The following RANBP2 variants were observed in gnomAD, a reference collection of about 807,000 sequenced individuals.
The protein encoded by RANBP2 is E3 SUMO-protein ligase RanBP2.
Under a neutral mutation model 303.6 loss-of-function variants are expected in RANBP2, and 57 were observed. That is an observed-to-expected ratio of 0.19 (90% CI 0.15 to 0.23). The LOEUF is 0.23. Among genes scored for constraint, RANBP2 ranks in the 10% least tolerant of loss-of-function variants. RANBP2 has a pLI of 1.00. For missense variants in RANBP2, 3,138 were observed against 3,780.8 expected, an observed-to-expected ratio of 0.83 and a Z score of 4.46; for synonymous variants, 1,167 against 1,301.5, an observed-to-expected ratio of 0.90 and a Z score of 2.23.
the RANBP2 span, among the ~76,000 whole-genome samples, chr2:109,576,039 T>C: frequency 1.2e-4 from 18 of 152,146 alleles, no homozygotes; most frequent in East Asian, 3.5e-3. Flanking sequence ...GGAGGATCAC[T>C]TGAGGCCAGG....
chr2:109,690,288 A>AGCGGGACAACTCGAAGCAAAG, the RANBP2 span, among the ~76,000 whole-genome samples: 25 of 152,200 alleles, frequency 1.6e-4, no homozygotes, highest in Admixed American at 2.6e-4. Context: ...GGTCTGGAAA[A>AGCGGGACAACTCGAAGCAAAG]GCGGGACAAC....
chr2:109,641,037 A>C, the RANBP2 span, among the ~76,000 whole-genome samples: 2 of 152,244 alleles, frequency 1.3e-5, no homozygotes, highest in African/African-American at 4.8e-5. Context: ...ACATAACTAC[A>C]AATAATGGCC....
At chr2:108,856,794 C>T in the RANBP2 span, 2 of 1,612,180 alleles carry the variant, frequency 1.2e-6, no homozygotes, top group East Asian at 4.5e-5. Flanking sequence ...TATTTTCCAG[C>T]TGATTACCTG....
chr2:109,272,981 A>G, the RANBP2 span, among the ~76,000 whole-genome samples: 1 of 152,254 alleles, frequency 6.6e-6, no homozygotes, highest in Non-Finnish European at 1.5e-5. Context: ...AGCTACTGGA[A>G]GAAATTAAAA....
At chr2:108,748,540 T>G (rs1355012119) in intron 8 of RANBP2, among the ~76,000 whole-genome samples, 1 of 152,048 alleles carries the variant, frequency 6.6e-6, no homozygotes, top group Non-Finnish European at 1.5e-5. Flanking sequence ...TCTTAAAAGC[T>G]GTTTAAAGGA....
At chr2:109,184,917 T>G in the RANBP2 span, among the ~76,000 whole-genome samples, 2 of 152,210 alleles carry the variant, frequency 1.3e-5, no homozygotes, top group Admixed American at 6.5e-5. Flanking sequence ...ACCAAGAATG[T>G]AAGAAAATAT....
Position 108,767,494 on chromosome 2 carries a change from C to A in RANBP2, c.6955C>A (p.Leu2319Ile), listed in dbSNP as rs759284450. 6.2e-7 allele frequency: 1 copy of A among 1,611,778 alleles called. No individual in the cohort carries two copies. Among genetic ancestry groups the A allele is most frequent in the Non-Finnish European group, 8.5e-7 (1 of 1,179,830 alleles). Reference sequence around the variant, plus strand: ...TGAACCTGTTGTTCCTTTACCTGATCTAGTTGAAGTATCCAGTGGTGAGGA... The same window carrying A: ...TGAACCTGTTGTTCCTTTACCTGATATAGTTGAAGTATCCAGTGGTGAGGA... ...YFEPVVPLPD[L>I]VEVSSGEENE... Residue 2319 changes from leucine to isoleucine, a missense_variant, in exon 20 of 29, where the codon CTA (leucine) becomes ATA (isoleucine). By Grantham distance (5) the Leu-to-Ile change is conservative. Around this residue, in one of 20 missense-constraint regions of RANBP2, gnomAD observed 92 missense variants for 211.0 expected, o/e 0.44. Coordinates refer to ENST00000283195, the MANE Select transcript of RANBP2 (RefSeq NM_006267.5).
At chr2:109,003,591 A>G in the RANBP2 span, among the ~76,000 whole-genome samples, 4 of 151,974 alleles carry the variant, frequency 2.6e-5, no homozygotes, top group South Asian at 8.3e-4. Context: ...TTGTATTTTT[A>G]GTGGAGATGG....
rs187380887 is a variant in RANBP2, at chr2:108,781,000, C to T, written c.8600-269C>T. 2.9e-4 allele frequency among the ~76,000 whole-genome samples: 44 copies of T among 151,826 alleles called. No homozygotes were observed. In the East Asian group the frequency reaches 6.4e-3, roughly 22 times the overall value. ...CTGGGATTACAGGCGTGAGCCACTG[C>T]GCCCAGCCTAATTTTTGTATTATTA... On this transcript the variant is annotated intron_variant, in intron 25 of 28. Transcript: ENST00000283195.
chr2:109,613,786 G>A, the RANBP2 span: 6 of 1,226,894 alleles, frequency 4.9e-6, no homozygotes, highest in Non-Finnish European at 2.0e-6. Context: ...CCCCGGCGTC[G>A]GCGGGACTCA....
chr2:109,273,149 C>T, the RANBP2 span, among the ~76,000 whole-genome samples: 5 of 152,168 alleles, frequency 3.3e-5, no homozygotes, highest in African/African-American at 7.2e-5. Context: ...TTTTAAAATC[C>T]GCTGTACAGG....
At chr2:109,063,156 T>C in the RANBP2 span, among the ~76,000 whole-genome samples, 5 of 152,204 alleles carry the variant, frequency 3.3e-5, no homozygotes, top group East Asian at 7.7e-4. Context: ...CCTCCCCCTC[T>C]GGCTTGTGCC....
At chr2:109,018,405 A>G in the RANBP2 span, among the ~76,000 whole-genome samples, 13 of 152,080 alleles carry the variant, frequency 8.5e-5, no homozygotes, top group East Asian at 2.5e-3. Context: ...GTGGCCCCCA[A>G]TCTACACCCT....
At chr2:109,196,627 C>G in the RANBP2 span, among the ~76,000 whole-genome samples, 4,860 of 152,236 alleles carry the variant, frequency 0.032, 241 homozygotes, top group African/African-American at 0.11. Context: ...TGCTGCTGCG[C>G]TGTGGTTGCG....
At chr2:108,812,954 A>G in the RANBP2 span, 1 of 1,607,698 alleles carries the variant, frequency 6.2e-7, no homozygotes, top group Admixed American at 1.7e-5. Context: ...ATTTGATATG[A>G]TTGAAAATTT....
At chr2:109,742,966 G>A in the RANBP2 span, among the ~76,000 whole-genome samples, 1 of 148,300 alleles carries the variant, frequency 6.7e-6, no homozygotes, top group Non-Finnish European at 1.5e-5. Flanking sequence ...GAAATGATTG[G>A]ACATCTACAT....
chr2:109,163,007 G>C, the RANBP2 span, among the ~76,000 whole-genome samples: 2 of 152,274 alleles, frequency 1.3e-5, no homozygotes. Flanking sequence ...CCTTTGATTT[G>C]GAGGGAAAAG....
chr2:109,600,107 A>C, the RANBP2 span, among the ~76,000 whole-genome samples: 2 of 152,104 alleles, frequency 1.3e-5, no homozygotes, highest in African/African-American at 4.8e-5. Context: ...CTGGTAGTTG[A>C]AGACTGGGCA....
At chr2:109,689,692 CTCTT>C in the RANBP2 span, among the ~76,000 whole-genome samples, 1 of 152,104 alleles carries the variant, frequency 6.6e-6, no homozygotes, top group South Asian at 2.1e-4. Context: ...GCCAAACGCT[CTCTT>C]CCTTCCTTCC....
Sources: allele counts gnomAD v4.1 joint callset (sites outside exome capture counted in the v4.1 genomes callset), GRCh38; gene constraint gnomAD v4.1.1; regional missense constraint gnomAD v4.1.1; transcripts MANE v1.5; gene names NCBI Gene and HGNC (gene_info 2026-07-23, HGNC 2026-07-21).